Variants in VPS13B observed in about 807,000 individuals in gnomAD.
VPS13B encodes the protein vacuolar protein sorting 13 homolog B, also known as intermembrane lipid transfer protein VPS13B.
A neutral mutation model predicts 426.4 loss-of-function variants in VPS13B; 285 were observed. That is an observed-to-expected ratio of 0.67 (90% CI 0.61 to 0.74). The LOEUF (loss-of-function observed/expected upper bound fraction) is 0.74. Among genes scored for constraint, VPS13B ranks in the 30% least tolerant of loss-of-function variants. VPS13B has a pLI of 0.00. For missense variants in VPS13B, 4,537 were observed against 4,782.6 expected, an observed-to-expected ratio of 0.95 and a Z score of 1.51; for synonymous variants, 1,676 against 1,676.4, an observed-to-expected ratio of 1.00 and a Z score of 0.01.
chr8:99,772,173 G>T (rs912465497), intron 40 of VPS13B, among the ~76,000 whole-genome samples: 5 of 150,966 alleles, frequency 3.3e-5, no homozygotes, highest in Non-Finnish European at 5.9e-5. Flanking sequence ...ATGTCGTATT[G>T]CCTACTCTAT....
At chr8:99,621,011 G>C (rs1176832150) in intron 33 of VPS13B, among the ~76,000 whole-genome samples, 2 of 128,218 alleles carry the variant, frequency 1.6e-5, no homozygotes, top group Non-Finnish European at 3.3e-5. Context: ...AAAAAAAAAA[G>C]TGCCATGTGT....
chr8:99,830,888 C>T (rs143140588), intron 51 of VPS13B, among the ~76,000 whole-genome samples: 2,271 of 152,036 alleles, frequency 0.015, 65 homozygotes, highest in African/African-American at 0.052. Context: ...CCGGGTGAGG[C>T]GACACCCCAC....
At chr8:99,675,432 A>G (rs1257915759) in intron 35 of VPS13B, among the ~76,000 whole-genome samples, 1 of 152,006 alleles carries the variant, frequency 6.6e-6, no homozygotes, top group Non-Finnish European at 1.5e-5. Context: ...GGGTAATCTT[A>G]TTTGGATTGA....
At chr8:99,033,372 A>G (rs187326055) in intron 2 of VPS13B, among the ~76,000 whole-genome samples, 167 of 152,214 alleles carry the variant, frequency 1.1e-3, no homozygotes, top group African/African-American at 3.9e-3. Flanking sequence ...TCTGCTCTCA[A>G]TATCTATATA....
At chr8:99,109,859 G>A (rs1847269790) in intron 5 of VPS13B, among the ~76,000 whole-genome samples, 2 of 152,100 alleles carry the variant, frequency 1.3e-5, no homozygotes, top group South Asian at 4.1e-4. Context: ...GATAAGAGAT[G>A]TAAAAGACTT....
chr8:99,639,636 A>G lies in VPS13B; in HGVS notation c.5221-2175A>G, dbSNP rs201883093. Among the ~76,000 whole-genome samples, 21 of 148,956 alleles carry G rather than the reference A, an allele frequency of 1.4e-4. 1 individual carries two copies. The East Asian group carries it at 3.9e-3, about 28-fold the overall frequency. ...TTCTTACATAAGTTGTTATATATATATAAGTTATTGCATATATATATATTA... is the reference window on the plus strand; with the variant it reads ...TTCTTACATAAGTTGTTATATATATGTAAGTTATTGCATATATATATATTA... On this transcript the variant is annotated intron_variant, in intron 33 of 61. Transcript: ENST00000357162.
Position 99,692,867 on chromosome 8 carries a change from C to T in VPS13B, c.6047-6658C>T, listed in dbSNP as rs921515725. 5.8e-3 allele frequency among the ~76,000 whole-genome samples: 848 copies of T among 146,384 alleles called. 6 individuals carry two copies. The highest frequency in any genetic ancestry group is 9.2e-3 in the Non-Finnish European group (609 of 66,474). ...ATAAAAAATGATAAAGGGGATATCACCACCGATCCCACAGAAATACAAACT... is the reference window on the plus strand; with the variant it reads ...ATAAAAAATGATAAAGGGGATATCATCACCGATCCCACAGAAATACAAACT... On this transcript the variant is annotated intron_variant, in intron 35 of 61. Coordinates refer to ENST00000357162, the MANE Select transcript of VPS13B (RefSeq NM_152564.5).
rs762094513 is a variant in VPS13B at position 99,835,747 on chromosome 8, GC to G, written c.9942+11del. On this transcript the variant is annotated intron_variant, in intron 54 of 61. Coordinates refer to ENST00000357162, the MANE Select transcript of VPS13B (RefSeq NM_152564.5). ...ACAGTCAGGGAACACAGGTCAGTGA[GC>G]CATGTGTTCCTGCCAAGACCCAAAG... 1 of 1,614,024 alleles carries G rather than the reference GC, an allele frequency of 6.2e-7. No individual in the cohort carries two copies. The highest frequency in any genetic ancestry group is 2.2e-5 in the East Asian group (1 of 44,868).
chr8:99,293,830 C>G (rs1275896508), intron 19 of VPS13B, among the ~76,000 whole-genome samples: 1 of 149,796 alleles, frequency 6.7e-6, no homozygotes, highest in East Asian at 2.0e-4. Flanking sequence ...CAAATCAAAA[C>G]CACAATGAGA....
chr8:99,501,692 T>G lies in VPS13B; in HGVS notation c.3876T>G (p.Asp1292Glu). ...SADIGTTTEG[D>E]SIQAGEESPF... Reference sequence around the variant, plus strand: ...TTTTTTTCTCCTCATCCCAGGGAGATTCTATACAAGCAGGTGAGGAATCAC... The same window carrying G: ...TTTTTTTCTCCTCATCCCAGGGAGAGTCTATACAAGCAGGTGAGGAATCAC... The change falls in exon 26 of 62, where the codon GAT (aspartate) becomes GAG (glutamate). Residue 1292 changes from aspartate to glutamate, a missense_variant. Physicochemically the swap from Asp to Glu is conservative, Grantham distance 45. Coordinates refer to ENST00000357162, the MANE Select transcript of VPS13B (RefSeq NM_152564.5). 2 of 1,613,982 alleles carry G rather than the reference T, an allele frequency of 1.2e-6. No homozygotes were observed. Among genetic ancestry groups the G allele is most frequent in the Non-Finnish European group, 1.7e-6 (2 of 1,179,974 alleles).
intron 20 of VPS13B, among the ~76,000 whole-genome samples, chr8:99,387,840 G>A (rs1213072262): frequency 2.0e-5 from 3 of 152,122 alleles, no homozygotes; most frequent in Non-Finnish European, 4.4e-5. Context: ...AAATTTGTCA[G>A]TATCTAATAA....
intron 33 of VPS13B, among the ~76,000 whole-genome samples, chr8:99,604,173 T>A (rs1303899085): frequency 2.0e-5 from 3 of 152,162 alleles, no homozygotes; most frequent in African/African-American, 7.2e-5. Context: ...GTAGCTCTTT[T>A]AAAATTTTTA....
chr8:99,636,388 T>G (rs559821804), intron 33 of VPS13B, among the ~76,000 whole-genome samples: 8 of 152,140 alleles, frequency 5.3e-5, no homozygotes, highest in African/African-American at 1.9e-4. Context: ...TTTATTTTAA[T>G]TAGCCATTGT....
At chr8:99,864,808 C>T (rs561408222) in intron 58 of VPS13B, among the ~76,000 whole-genome samples, 16 of 152,310 alleles carry the variant, frequency 1.1e-4, no homozygotes, top group African/African-American at 3.6e-4. Context: ...CAGGTCAAAC[C>T]TCCAGCAAGG....
intron 21 of VPS13B, among the ~76,000 whole-genome samples, chr8:99,407,780 C>A (rs1815411397): frequency 6.6e-6 from 1 of 152,032 alleles, no homozygotes; most frequent in African/African-American, 2.4e-5. Context: ...TAACTTATCT[C>A]ATTTTCAAGT....
intron 19 of VPS13B, among the ~76,000 whole-genome samples, chr8:99,286,123 G>A (rs955957075): frequency 1.3e-5 from 2 of 152,062 alleles, no homozygotes; most frequent in African/African-American, 4.8e-5. Context: ...ACTATTTATA[G>A]GATTCCTTCC....
At chr8:99,077,778 G>A (rs1026732679) in intron 3 of VPS13B, among the ~76,000 whole-genome samples, 4 of 151,944 alleles carry the variant, frequency 2.6e-5, no homozygotes, top group African/African-American at 9.7e-5. Context: ...GCTCTTGCAG[G>A]AGTTGGAAGT....
At chr8:99,238,256 G>T (rs6990637) in intron 17 of VPS13B, among the ~76,000 whole-genome samples, 1 of 151,800 alleles carries the variant, frequency 6.6e-6, no homozygotes, top group Non-Finnish European at 1.5e-5. Context: ...GTGTGTGTGT[G>T]TGTGTGTGTG....
chr8:99,103,138 A>G lies in VPS13B; in HGVS notation c.580+18A>G. On this transcript the variant is annotated intron_variant, in intron 5 of 61. Coordinates refer to ENST00000357162, the MANE Select transcript of VPS13B (RefSeq NM_152564.5). Reference sequence around the variant, plus strand: ...TATTTCTGGTGAGTAAATATGGAGAATACCGTATATTTTTCCATAATTGAA... The same window carrying G: ...TATTTCTGGTGAGTAAATATGGAGAGTACCGTATATTTTTCCATAATTGAA... 1.9e-6 allele frequency: 3 copies of G among 1,613,114 alleles called. No individual in the cohort carries two copies. Among genetic ancestry groups the G allele is most frequent in the Non-Finnish European group, 2.5e-6 (3 of 1,179,218 alleles).
Sources: allele counts gnomAD v4.1 joint callset (sites outside exome capture counted in the v4.1 genomes callset), GRCh38; gene constraint gnomAD v4.1.1; transcripts MANE v1.5; gene names NCBI Gene and HGNC (gene_info 2026-07-23, HGNC 2026-07-21).